The following DKC1 variants were observed in gnomAD, a reference collection of about 807,000 sequenced individuals.
The protein encoded by DKC1 is H/ACA ribonucleoprotein complex subunit DKC1.
A neutral mutation model predicts 46.7 loss-of-function variants in DKC1; 4 were observed. The observed-to-expected ratio is 0.09, with a 90% CI of 0.04 to 0.20. The LOEUF (loss-of-function observed/expected upper bound fraction) is 0.20. DKC1 is among the 10% of genes least tolerant of loss of function. The pLI is 1.00. For synonymous variants in DKC1, 141 were observed against 142.4 expected (o/e 0.99, Z 0.07); for missense variants, 171 against 404.2 (o/e 0.42, Z 4.95).
intron 10 of DKC1, among the ~76,000 whole-genome samples, chrX:154,771,301 G>A (rs1464165293): frequency 2.9e-5 from 3 of 103,213 alleles, no homozygotes; most frequent in East Asian, 6.0e-4. Flanking sequence ...AGCGATTCTC[G>A]TGCCTCAGCC....
intron 11 of DKC1, among the ~76,000 whole-genome samples, chrX:154,774,297 GGTGAA>G (rs1408720891): frequency 2.7e-5 from 3 of 111,518 alleles, no homozygotes; most frequent in Non-Finnish European, 5.7e-5. Flanking sequence ...GTTAGGTGTT[GGTGAA>G]GTGAAGAGGG....
intron 8 of DKC1, 189 bp downstream of exon 8, chrX:154,768,621 A>G (rs782701644): frequency 1.7e-6 from 1 of 593,226 alleles, no homozygotes; most frequent in Non-Finnish European, 2.9e-6. Flanking sequence ...GATTGGGTAG[A>G]AAGTATTATT....
At chrX:154,775,064 A>G in intron 12 of DKC1, 131 bp from the exon 13 acceptor site, 1 of 646,338 alleles carries the variant, frequency 1.5e-6, no homozygotes, top group Non-Finnish European at 2.6e-6. Context: ...TGCAACAGTA[A>G]GTGGTGAGTT....
chrX:154,765,602 G>A, intron 3 of DKC1, 72 bp downstream of exon 3: 2 of 844,478 alleles, frequency 2.4e-6, no homozygotes, highest in Admixed American at 4.4e-5. Context: ...ACAATTGATT[G>A]AGAATGCTTA....
chrX:154,771,718 C>G (rs1557264990), intron 10 of DKC1, among the ~76,000 whole-genome samples: 1 of 111,790 alleles, frequency 8.9e-6, no homozygotes, highest in African/African-American at 3.3e-5. Flanking sequence ...ATGACAGGAT[C>G]TCATTCTTTT....
At chrX:154,768,149 C>A in intron 7 of DKC1, 153 bp from the exon 8 acceptor site, 1 of 771,484 alleles carries the variant, frequency 1.3e-6, no homozygotes, top group Non-Finnish European at 2.0e-6. Flanking sequence ...CGTGCCTGGC[C>A]AGAATTACAG....
At position 154,768,378 on chromosome X, in the gene DKC1, T is replaced by C. The variant is rs372842795; in HGVS notation, c.717T>C (p.Val239=). The C allele has an allele frequency of 5.0e-6, 6 of 1,209,110 alleles. No homozygotes were observed. In the African/African-American group the frequency reaches 1.1e-4, roughly 21 times the overall value. ...LCVHLGLLLG[V]GGQMQELRRV... is the part of the protein sequence containing the mutation. The stretch of plus-strand genomic sequence containing the variant: ...TGCACCTTGGTTTGTTATTGGGAGT[T>C]GGTGGTCAGATGCAGGAGCTTCGGA... The change falls in exon 8 of 15, where the codon GTT becomes GTC. Residue 239 remains valine (V), a synonymous_variant. Coordinates refer to ENST00000369550, the MANE Select transcript of DKC1 (RefSeq NM_001363.5).
intron 2 of DKC1, 146 bp from the exon 3 acceptor site, chrX:154,765,294 ATTTC>A: frequency 8.7e-6 from 5 of 576,844 alleles, no homozygotes; most frequent in Non-Finnish European, 1.5e-5. Flanking sequence ...CTCCTGGTTC[ATTTC>A]TTCTCTCTCT....
chrX:154,774,628 G>C lies in DKC1; in HGVS notation c.1182G>C (p.Lys394Asn). 1 of 1,211,835 alleles carries C rather than the reference G, an allele frequency of 8.3e-7. No homozygotes were observed. Residue 394 changes from lysine to asparagine, a missense_variant, in exon 12 of 15, where the codon AAG becomes AAC. Physicochemically the swap from Lys to Asn is moderately conservative, Grantham distance 94. This residue lies in a region of DKC1 where 60 missense variants were observed against 206.5 expected (regional missense o/e 0.29). Transcript: ENST00000369550. ...CAAGTCAGAAGAAGCTGATGATCAA[G>C]CAGGGCCTTCTGGACAAGCATGGGA... ...PKASQKKLMIKQGLLDKHGKP... is the reference protein window; with the variant it reads ...PKASQKKLMINQGLLDKHGKP...
Position 154,777,589 on chromosome X carries a change from T to G in DKC1, c.*722T>G, listed in dbSNP as rs2071915847. ...GTCAACTTGTTAAGTTTTTTATGTA[T>G]TCCTGTTGGGTTTTCTTGTTGATCT... On this transcript the variant is annotated 3_prime_UTR_variant, in exon 15 of 15. Coordinates refer to ENST00000369550, the MANE Select transcript of DKC1 (RefSeq NM_001363.5). 8.9e-6 allele frequency: 1 copy of G among 112,960 alleles called. No homozygotes were observed. The highest frequency in any genetic ancestry group is 1.9e-5 in the Non-Finnish European group (1 of 53,416). The allele number at this position is 112,960 out of a possible 1,213,427, so 9.3% of individuals were successfully genotyped here. A position where few individuals can be genotyped will look rare whatever the true frequency, so the allele number is the denominator to read the frequency against.
chrX:154,767,917 C>A (rs1455866749), intron 7 of DKC1: 1 of 189,380 alleles, frequency 5.3e-6, no homozygotes, highest in Non-Finnish European at 9.0e-6. Context: ...GTGGCATGAT[C>A]TCGGCTCACT....
intron 5 of DKC1, chrX:154,766,627 A>G (rs958715809): frequency 5.9e-5 from 26 of 441,133 alleles, no homozygotes; most frequent in Non-Finnish European, 9.8e-5. Context: ...GACTGGATCC[A>G]TTTGTCCGGG....
In DKC1 at chrX:154,777,221, A is replaced by G. The variant is rs1191153433; in HGVS notation, c.*354A>G. ...ATTTTTTAAATCCCCTCTGTTTAAA[A>G]GGTTTGTAAAACAAAAACAAAAAAC... is the stretch of plus-strand genomic sequence containing the variant. On this transcript the variant is annotated 3_prime_UTR_variant, in exon 15 of 15. Transcript: ENST00000369550. 1 of 181,839 alleles carries G rather than the reference A, an allele frequency of 5.5e-6. No homozygotes were observed. The highest frequency in any genetic ancestry group is 3.0e-5 in the African/African-American group (1 of 33,170). 15.0% of individuals were successfully genotyped at this position (181,839 alleles called of 1,213,427 possible). A position where few individuals can be genotyped will look rare whatever the true frequency, so the allele number is the denominator to read the frequency against.
At chrX:154,770,383 A>G (rs2071805791) in intron 9 of DKC1, among the ~76,000 whole-genome samples, 2 of 106,189 alleles carry the variant, frequency 1.9e-5, no homozygotes, top group African/African-American at 6.9e-5. Context: ...AATCACTTGA[A>G]CTTGGGAGAT....
Position 154,776,300 on chromosome X carries a change from G to A in DKC1, c.1452G>A (p.Glu484=), listed in dbSNP as rs781897473. The A allele has an allele frequency of 1.7e-6, 2 of 1,199,002 alleles. No homozygotes were observed. The highest frequency in any genetic ancestry group is 3.6e-5 in the South Asian group (2 of 55,442). The part of the protein sequence containing the change: ...KKDKKAKAGL[E]SGAEPGDGDS... ...ACAAGAAGGCCAAAGCTGGTCTGGA[G>A]AGCGGGGCCGAGCCTGGAGATGGGG... The change falls in exon 14 of 15, where the codon GAG becomes GAA. Residue 484 remains glutamate (E), a synonymous_variant. Coordinates refer to ENST00000369550, the MANE Select transcript of DKC1 (RefSeq NM_001363.5).
At chrX:154,766,683 G>A (rs1557264211) in intron 5 of DKC1, 1 of 432,056 alleles carries the variant, frequency 2.3e-6, no homozygotes, top group South Asian at 3.4e-5. Flanking sequence ...CTGTGCTACC[G>A]CTTCTGCCTA....
intron 8 of DKC1, chrX:154,768,724 G>A (rs919421192): frequency 1.8e-4 from 68 of 375,627 alleles, no homozygotes; most frequent in African/African-American, 9.5e-4. Context: ...GGTGGCTCAC[G>A]CCTGTAATCC....
chrX:154,764,864 G>A, intron 1 of DKC1, 35 bp from the exon 2 acceptor site: 1 of 1,085,772 alleles, frequency 9.2e-7, no homozygotes, highest in Non-Finnish European at 1.3e-6. Context: ...TTTATTCTTG[G>A]GGAAAATTCC....
chrX:154,766,391 CAG>C lies in DKC1; in HGVS notation c.442_443del (p.Ser148CysfsTer16), dbSNP rs1557264171. 8.3e-7 allele frequency: 1 copy of C among 1,206,861 alleles called. No homozygotes were observed. Among genetic ancestry groups the C allele is most frequent in the East Asian group, 3.0e-5 (1 of 33,755 alleles). ...AGCCACTCGCTTGGTGAAGTCACAA[CAG>C]AGTGCAGGTATGTGGGAGAGGGAGG... ...ERATRLVKSQ[Q>X]SAGKEYVGIV... is the part of the protein sequence containing the mutation. On this transcript the variant is annotated frameshift_variant, in exon 5 of 15. Coordinates refer to ENST00000369550, the MANE Select transcript of DKC1 (RefSeq NM_001363.5). LOFTEE classifies it high-confidence loss of function.
Sources: allele counts gnomAD v4.1 joint callset (sites outside exome capture counted in the v4.1 genomes callset), GRCh38; gene constraint gnomAD v4.1.1; regional missense constraint gnomAD v4.1.1; transcripts MANE v1.5; gene names NCBI Gene and HGNC (gene_info 2026-07-23, HGNC 2026-07-21).